The following SLC35A2 variants were observed in gnomAD, a reference collection of about 807,000 sequenced individuals.
SLC35A2 encodes UDP-galactose translocator.
A neutral mutation model predicts 17.3 loss-of-function variants in SLC35A2; 1 was observed. That is an observed-to-expected ratio of 0.06 (90% CI 0.02 to 0.27). The LOEUF is 0.27. SLC35A2 is among the 10% of genes least tolerant of loss of function. The probability of loss-of-function intolerance (pLI) is 1.00; values close to 1 mark genes in which losing one functional copy is unlikely to be tolerated. For missense variants in SLC35A2, 191 were observed against 339.3 expected (o/e 0.56, Z 3.43); for synonymous variants, 161 against 161.3 (o/e 1.00, Z 0.01).
rs782610009 is a variant in SLC35A2, at chrX:48,906,538, C to T, written c.280G>A (p.Val94Met). ...LLLFAQKRGN[V>M]KHLVLFLHEA... ...TGGAGGAAGAGAACCAGGTGCTTCACGTTACCTAGGTGGGAGGAGGAGAGC... is the reference window on the plus strand; with the variant it reads ...TGGAGGAAGAGAACCAGGTGCTTCATGTTACCTAGGTGGGAGGAGGAGAGC... Residue 94 changes from valine (V) to methionine (M), a missense_variant, in exon 3 of 5, where the codon GTG (valine) becomes ATG (methionine). By Grantham distance (21) the Val-to-Met change is conservative. Coordinates refer to ENST00000247138, the MANE Select transcript of SLC35A2 (RefSeq NM_005660.3). 3.3e-6 allele frequency: 4 copies of T among 1,209,496 alleles called. No individual in the cohort carries two copies. The highest frequency in any genetic ancestry group is 4.5e-6 in the Non-Finnish European group (4 of 894,612).
chrX:48,907,127 C>A (rs1441527682), intron 2 of SLC35A2, among the ~76,000 whole-genome samples: 3 of 103,590 alleles, frequency 2.9e-5, no homozygotes, highest in African/African-American at 1.1e-4. Context: ...TGAGACCATG[C>A]CATTGCACTC....
Position 48,903,214 on chromosome X carries a change from A to T in SLC35A2, c.*224T>A. The T allele has an allele frequency of 9.2e-7, 1 of 1,082,245 alleles. No individual in the cohort carries two copies. Among genetic ancestry groups the T allele is most frequent in the Non-Finnish European group, 1.3e-6 (1 of 797,414 alleles). The allele number at this position is 1,082,245 out of a possible 1,213,427, so 89.2% of individuals were successfully genotyped here. A position where few individuals can be genotyped will look rare whatever the true frequency, so the allele number is the denominator to read the frequency against. On this transcript the variant is annotated 3_prime_UTR_variant, in exon 5 of 5. Transcript: ENST00000247138. ...TACACAACACATTTTATTTGCAAAA[A>T]CTCAGCTAAGAGATAGTGTGGAGCT...
At chrX:48,908,686 T>C (rs1159933007) in intron 2 of SLC35A2, among the ~76,000 whole-genome samples, 1 of 112,143 alleles carries the variant, frequency 8.9e-6, no homozygotes, top group Non-Finnish European at 1.9e-5. Flanking sequence ...GCTGCTCCTC[T>C]GCATTGCTAA....
chrX:48,911,431 C>T, intron 1 of SLC35A2, 115 bp downstream of exon 1: 1 of 930,049 alleles, frequency 1.1e-6, no homozygotes, highest in Non-Finnish European at 1.5e-6. Flanking sequence ...CACACACACA[C>T]ACACACACGT....
Position 48,904,792 on chromosome X carries a change from G to C in SLC35A2, c.1117C>G (p.Leu373Val). 8.3e-7 allele frequency: 1 copy of C among 1,211,438 alleles called. No individual in the cohort carries two copies. Among genetic ancestry groups the C allele is most frequent in the Non-Finnish European group, 1.1e-6 (1 of 895,192 alleles). Reference sequence around the variant, plus strand: ...ATGAGGTCTCCACGGTGGGAAGACAGCTGCGGTGGTGGTGGCTGCCCGGGA... The same window carrying C: ...ATGAGGTCTCCACGGTGGGAAGACACCTGCGGTGGTGGTGGCTGCCCGGGA... ...QPPGQPPPPQ[L>V]SSHRGDLITE... The change falls in exon 4 of 5, where the codon CTG becomes GTG. Residue 373 changes from leucine (L) to valine (V), a missense_variant. Leu to Val is a conservative substitution (Grantham distance 32). Coordinates refer to ENST00000247138, the MANE Select transcript of SLC35A2 (RefSeq NM_005660.3).
At chrX:48,906,348 A>G in intron 3 of SLC35A2, 44 bp downstream of exon 3, 1 of 1,177,583 alleles carries the variant, frequency 8.5e-7, no homozygotes, top group South Asian at 1.8e-5. Context: ...TCCAGTCCCC[A>G]ACCCAGTTAG....
chrX:48,904,450 C>T, intron 4 of SLC35A2: 1 of 1,094,350 alleles, frequency 9.1e-7, no homozygotes, highest in Non-Finnish European at 1.2e-6. Flanking sequence ...CCTTGAATGA[C>T]AATACCCCCA....
rs977233420 is a variant in SLC35A2 at position 48,909,986 on chromosome X, G to A, written c.102C>T (p.Arg34=). The A allele has an allele frequency of 1.6e-5, 19 of 1,206,637 alleles. No homozygotes were observed. Among genetic ancestry groups the A allele is most frequent in the Non-Finnish European group, 2.0e-5 (18 of 893,350 alleles). The change falls in exon 2 of 5, where the codon CGC becomes CGT. Residue 34 remains arginine (R), a synonymous_variant. Transcript: ENST00000247138. The part of the protein sequence containing the change: ...EPGTASAAHR[R]LKYISLAVLV... Reference sequence around the variant, plus strand: ...GCACAGCTAGGGATATGTACTTCAGGCGCCTGTGAGCTGTGGGGAACGGAA... The same window carrying A: ...GCACAGCTAGGGATATGTACTTCAGACGCCTGTGAGCTGTGGGGAACGGAA...
chrX:48,909,650 T>C (rs1261744124), intron 2 of SLC35A2, among the ~76,000 whole-genome samples, 164 bp downstream of exon 2: 1 of 113,605 alleles, frequency 8.8e-6, no homozygotes, highest in Admixed American at 9.2e-5. Context: ...ACCCGGCTGT[T>C]AGGGCTAGAA....
At chrX:48,906,235 T>A (rs2063489106) in intron 3 of SLC35A2, 157 bp downstream of exon 3, 1 of 509,575 alleles carries the variant, frequency 2.0e-6, no homozygotes, top group African/African-American at 2.4e-5. Flanking sequence ...CACCCCCAAT[T>A]TTCACAGACG....
At chrX:48,903,876 G>A in intron 4 of SLC35A2, 2 of 789,432 alleles carry the variant, frequency 2.5e-6, no homozygotes, top group Non-Finnish European at 3.0e-6. Flanking sequence ...CATGAGGTAG[G>A]GGTGCCTCAC....
rs782673464 is a variant in SLC35A2, at chrX:48,904,797, G to A, written c.1112C>T (p.Pro371Leu). 1.3e-5 allele frequency: 16 copies of A among 1,209,452 alleles called. No individual in the cohort carries two copies. The highest frequency in any genetic ancestry group is 1.2e-4 in the African/African-American group (7 of 57,243). Reference protein sequence around the residue: ...HQQPPGQPPPPQLSSHRGDLI... With the variant: ...HQQPPGQPPPLQLSSHRGDLI... ...GTCTCCACGGTGGGAAGACAGCTGC[G>A]GTGGTGGTGGCTGCCCGGGAGGCTG... The change falls in exon 4 of 5, where the codon CCG becomes CTG. Residue 371 changes from proline (P) to leucine (L), a missense_variant. Transcript: ENST00000247138.
chrX:48,908,396 G>A (rs1174737017), intron 2 of SLC35A2, among the ~76,000 whole-genome samples: 2 of 111,091 alleles, frequency 1.8e-5, no homozygotes, highest in African/African-American at 3.3e-5. Flanking sequence ...GATTACAGAC[G>A]TGAGCAACCA....
At position 48,903,285 on chromosome X, in the gene SLC35A2, A is replaced by G. The variant is rs2063456125; in HGVS notation, c.*153T>C. ...GCTGAGGTGGGTCATGAGAGAGCTT[A>G]GTCATGTTGGCCCTGGGTGGGGCAG... On this transcript the variant is annotated 3_prime_UTR_variant, in exon 5 of 5. Transcript: ENST00000247138. 6 of 733,814 alleles carry G rather than the reference A, an allele frequency of 8.2e-6. No homozygotes were observed. The highest frequency in any genetic ancestry group is 1.3e-5 in the Non-Finnish European group (6 of 479,477). The allele number at this position is 733,814 out of a possible 1,213,427, so 60.5% of individuals were successfully genotyped here.
Position 48,911,644 on chromosome X carries a change from T to C in SLC35A2, c.-8A>G, listed in dbSNP as rs1057523494. On this transcript the variant is annotated 5_prime_UTR_variant, in exon 1 of 5. The change abolishes an upstream ATG in the 5' untranslated region. Transcript: ENST00000247138. ...AGCCCCAACCGCTGCCATGTTGGCA[T>C]CTGCCCGGCCCGTCCCCTCGGCAAC... 1.9e-5 allele frequency: 22 copies of C among 1,159,334 alleles called. No homozygotes were observed. Among genetic ancestry groups the C allele is most frequent in the Non-Finnish European group, 2.5e-5 (22 of 871,248 alleles).
intron 2 of SLC35A2, among the ~76,000 whole-genome samples, chrX:48,909,542 C>T (rs1396468452): frequency 1.8e-5 from 2 of 113,015 alleles, no homozygotes; most frequent in South Asian, 3.6e-4. Flanking sequence ...TGCATGTATT[C>T]GGAATTCTCC....
At chrX:48,906,153 A>G in intron 3 of SLC35A2, 1 of 447,064 alleles carries the variant, frequency 2.2e-6, no homozygotes, top group Non-Finnish European at 3.9e-6. Context: ...ATCTGTCACC[A>G]ATCAAGGGCT....
chrX:48,904,429 CAAA>C, intron 4 of SLC35A2: 1 of 1,088,460 alleles, frequency 9.2e-7, no homozygotes, highest in South Asian at 2.4e-5. Context: ...AGGGAGCAGA[CAAA>C]AAAAAGGCCT....
At position 48,903,230 on chromosome X, in the gene SLC35A2, G is replaced by T; in HGVS notation, c.*208C>A. The stretch of plus-strand genomic sequence containing the variant: ...TTTGCAAAAACTCAGCTAAGAGATA[G>T]TGTGGAGCTGGCAGGGGCTGGGGGG... On this transcript the variant is annotated 3_prime_UTR_variant, in exon 5 of 5. Coordinates refer to ENST00000247138, the MANE Select transcript of SLC35A2 (RefSeq NM_005660.3). 1 of 1,021,516 alleles carries T rather than the reference G, an allele frequency of 9.8e-7. No homozygotes were observed. Among genetic ancestry groups the T allele is most frequent in the Non-Finnish European group, 1.3e-6 (1 of 742,190 alleles). The allele number at this position is 1,021,516 out of a possible 1,213,427, so 84.2% of individuals were successfully genotyped here.
Sources: gnomAD v4.1 joint callset for allele counts (sites outside exome capture counted in the v4.1 genomes callset) on GRCh38, gnomAD v4.1.1 for gene constraint, MANE v1.5 for transcripts, NCBI Gene and HGNC (gene_info 2026-07-23, HGNC 2026-07-21) for gene names.